The following SPATA17 variants were observed in gnomAD, a reference collection of about 807,000 sequenced individuals.
SPATA17 encodes the protein spermatogenesis-associated protein 17.
Under a neutral mutation model 62.2 loss-of-function variants are expected in SPATA17, and 53 were observed. That is an observed-to-expected ratio of 0.85 (90% CI 0.68 to 1.07). The LOEUF (loss-of-function observed/expected upper bound fraction) is 1.07. SPATA17 is among the 50% of genes least tolerant of loss of function. The pLI is 0.00. For missense variants in SPATA17, 466 were observed against 425.5 expected (o/e 1.10, Z -0.84); for synonymous variants, 146 against 146.8 (o/e 0.99, Z 0.04).
At chr1:217,641,327 G>T (rs1670057490) in intron 1 of SPATA17, among the ~76,000 whole-genome samples, 1 of 151,996 alleles carries the variant, frequency 6.6e-6, no homozygotes, top group South Asian at 2.1e-4. Flanking sequence ...TCTCAATAGT[G>T]TAACATTCAT....
At chr1:217,652,013 T>A (rs1486302535) in intron 3 of SPATA17, among the ~76,000 whole-genome samples, 3 of 152,208 alleles carry the variant, frequency 2.0e-5, no homozygotes, top group Non-Finnish European at 4.4e-5. Context: ...CACAGTTGTC[T>A]CGTAATTGCC....
intron 4 of SPATA17, among the ~76,000 whole-genome samples, chr1:217,680,847 C>T (rs1228653224): frequency 6.7e-6 from 1 of 148,640 alleles, no homozygotes; most frequent in Non-Finnish European, 1.5e-5. Context: ...ATCGTTTGAA[C>T]CCAGGAGACA....
rs578158681 is a variant in SPATA17, at chr1:217,823,751, C to T, written c.1005+21901C>T. Reference sequence around the variant, plus strand: ...TTATTGTATTGCAGTGTATCTCTCTCTTTAGATCTTTTAATATTTGCTTTA... The same window carrying T: ...TTATTGTATTGCAGTGTATCTCTCTTTTTAGATCTTTTAATATTTGCTTTA... On this transcript the variant is annotated intron_variant, in intron 9 of 10. Transcript: ENST00000366933. Among the ~76,000 whole-genome samples, 119 of 152,056 alleles carry T rather than the reference C, an allele frequency of 7.8e-4. No homozygotes were observed. In the Middle Eastern group the frequency reaches 0.024, roughly 30 times the overall value.
At chr1:217,854,408 C>G (rs12404049) in intron 9 of SPATA17, among the ~76,000 whole-genome samples, 38,831 of 152,006 alleles carry the variant, frequency 0.26, 5,660 homozygotes, top group Admixed American at 0.35. Flanking sequence ...ACTGAACACA[C>G]CATCATATTA....
intron 5 of SPATA17, among the ~76,000 whole-genome samples, chr1:217,723,079 C>T (rs578205623): frequency 8.5e-5 from 13 of 152,348 alleles, no homozygotes; most frequent in Admixed American, 7.2e-4. Context: ...CATCAGCCCT[C>T]TCCCGTAAAC....
At chr1:217,866,089 T>C (rs1391830780) in intron 10 of SPATA17, among the ~76,000 whole-genome samples, 1 of 152,146 alleles carries the variant, frequency 6.6e-6, no homozygotes, top group Non-Finnish European at 1.5e-5. Context: ...CAACTGTGTA[T>C]GGAAAAAAGT....
chr1:217,649,022 C>A, intron 2 of SPATA17, 51 bp downstream of exon 2: 2 of 1,269,034 alleles, frequency 1.6e-6, no homozygotes, highest in South Asian at 2.8e-5. Flanking sequence ...AAATATATTC[C>A]TTAGAAAATG....
chr1:217,819,369 T>G (rs1195790248), intron 9 of SPATA17, among the ~76,000 whole-genome samples: 2 of 151,944 alleles, frequency 1.3e-5, no homozygotes, highest in East Asian at 3.9e-4. Flanking sequence ...CAGGATCCTT[T>G]TTTTTCCACT....
chr1:217,653,002 A>C (rs1448391163), intron 3 of SPATA17, among the ~76,000 whole-genome samples: 1 of 152,208 alleles, frequency 6.6e-6, no homozygotes, highest in Non-Finnish European at 1.5e-5. Flanking sequence ...TTCATTTGTG[A>C]TGCTGTTGTT....
intron 7 of SPATA17, among the ~76,000 whole-genome samples, chr1:217,775,624 C>T (rs1380326043): frequency 6.6e-6 from 1 of 152,068 alleles, no homozygotes; most frequent in Non-Finnish European, 1.5e-5. Flanking sequence ...ATCACTTGAA[C>T]TCGGGAGGCG....
intron 5 of SPATA17, among the ~76,000 whole-genome samples, chr1:217,711,052 C>T (rs1671850087): frequency 6.6e-6 from 1 of 152,194 alleles, no homozygotes; most frequent in Non-Finnish European, 1.5e-5. Context: ...CATATTTATA[C>T]CTGTTAATCA....
At chr1:217,671,407 A>G (rs1352591576) in intron 4 of SPATA17, among the ~76,000 whole-genome samples, 5 of 152,118 alleles carry the variant, frequency 3.3e-5, no homozygotes, top group Non-Finnish European at 7.3e-5. Context: ...ATACCTTCCT[A>G]TGAAAGAAAA....
In SPATA17 at chr1:217,808,052, C is replaced by G. The variant is rs577431118; in HGVS notation, c.1005+6202C>G. 9.2e-5 allele frequency among the ~76,000 whole-genome samples: 14 copies of G among 152,252 alleles called. No individual in the cohort carries two copies. The East Asian group carries it at 1.2e-3, about 13-fold the overall frequency. On this transcript the variant is annotated intron_variant, in intron 9 of 10. Transcript: ENST00000366933. ...GCACAGGAGCCTTGCATAAACAGCA[C>G]TTTAATAAAGAGCCATACGTTCTAT... is the stretch of plus-strand genomic sequence containing the variant.
At chr1:217,753,153 G>T (rs978439815) in intron 6 of SPATA17, among the ~76,000 whole-genome samples, 1 of 152,066 alleles carries the variant, frequency 6.6e-6, no homozygotes, top group Non-Finnish European at 1.5e-5. Flanking sequence ...GCATGACCAC[G>T]TGAACAAATT....
intron 10 of SPATA17, among the ~76,000 whole-genome samples, chr1:217,865,078 G>A (rs1457499849): frequency 6.6e-6 from 1 of 152,088 alleles, no homozygotes; most frequent in African/African-American, 2.4e-5. Flanking sequence ...TTTGGTAAGT[G>A]AAGGGCAGCA....
intron 3 of SPATA17, 42 bp from the exon 4 acceptor site, chr1:217,668,991 G>A (rs1475908484): frequency 6.4e-7 from 1 of 1,552,044 alleles, no homozygotes; most frequent in Non-Finnish European, 8.9e-7. Flanking sequence ...CACTGTCTTT[G>A]TGTAACTGAA....
intron 5 of SPATA17, among the ~76,000 whole-genome samples, chr1:217,704,472 G>C (rs987164586): frequency 1.3e-5 from 2 of 150,094 alleles, no homozygotes; most frequent in Non-Finnish European, 3.0e-5. Context: ...GGATGGTCTC[G>C]ATCTCCTGAC....
intron 4 of SPATA17, among the ~76,000 whole-genome samples, chr1:217,676,653 T>A (rs896056062): frequency 1.8e-4 from 27 of 152,162 alleles, no homozygotes; most frequent in Middle Eastern, 3.2e-3. Flanking sequence ...TTGTAATGCC[T>A]TTGAAAAGCC....
chr1:217,820,244 A>C (rs1414182242), intron 9 of SPATA17, among the ~76,000 whole-genome samples: 1 of 152,072 alleles, frequency 6.6e-6, no homozygotes, highest in Non-Finnish European at 1.5e-5. Flanking sequence ...AGGAGAGTTA[A>C]AAGGTTTTAA....
Sources: gnomAD v4.1 joint callset for allele counts (sites outside exome capture counted in the v4.1 genomes callset) on GRCh38, gnomAD v4.1.1 for gene constraint, MANE v1.5 for transcripts, NCBI Gene and HGNC (gene_info 2026-07-23, HGNC 2026-07-21) for gene names.